The following TCAIM variants were observed in gnomAD, a reference collection of about 807,000 sequenced individuals.
TCAIM encodes the protein T-cell activation inhibitor, mitochondrial.
TCAIM carries 36 observed loss-of-function variants against 58.6 expected under a neutral mutation model. The ratio of observed to expected loss-of-function variants is 0.61; its 90% CI spans 0.47 to 0.81. The LOEUF (loss-of-function observed/expected upper bound fraction) is 0.81, where lower values mean the gene tolerates loss of function less well. Ranked by LOEUF, TCAIM falls within the 30% of genes least tolerant of loss-of-function variation. The pLI is 0.00. For missense variants in TCAIM, 466 were observed against 579.6 expected, an observed-to-expected ratio of 0.80 and a Z score of 2.01; for synonymous variants, 172 against 193.6, an observed-to-expected ratio of 0.89 and a Z score of 0.93.
chr3:44,407,991 G>T lies in TCAIM; in HGVS notation c.*309G>T. ...CCCTCCAGCCTGAGCAACAGAACAAGACCTTGTCTCAAAAAATAATAATGA... is the reference window on the plus strand; with the variant it reads ...CCCTCCAGCCTGAGCAACAGAACAATACCTTGTCTCAAAAAATAATAATGA... On this transcript the variant is annotated 3_prime_UTR_variant, in exon 11 of 11. Coordinates refer to ENST00000342649, the MANE Select transcript of TCAIM (RefSeq NM_173826.4). 1 of 188,616 alleles carries T rather than the reference G, an allele frequency of 5.3e-6. No homozygotes were observed. The highest frequency in any genetic ancestry group is 1.1e-5 in the Non-Finnish European group (1 of 92,864). 11.7% of individuals were successfully genotyped at this position (188,616 alleles called of 1,614,324 possible).
intron 5 of TCAIM, among the ~76,000 whole-genome samples, chr3:44,373,514 C>T (rs1365693459): frequency 6.7e-6 from 1 of 150,102 alleles, no homozygotes; most frequent in Non-Finnish European, 1.5e-5. Flanking sequence ...AATAGCCAGG[C>T]GTGATGATGC....
At chr3:44,358,285 C>A in intron 3 of TCAIM, 2 of 1,038,028 alleles carry the variant, frequency 1.9e-6, no homozygotes, top group Non-Finnish European at 3.0e-6. Flanking sequence ...TGGACCACTC[C>A]CCTACAACAT....
chr3:44,397,934 T>C (rs989944794), intron 8 of TCAIM, among the ~76,000 whole-genome samples: 40 of 151,736 alleles, frequency 2.6e-4, no homozygotes, highest in African/African-American at 9.7e-4. Flanking sequence ...ATCTAGAATA[T>C]ATTTTCAAAC....
chr3:44,356,220 A>G (rs908253365), intron 2 of TCAIM, among the ~76,000 whole-genome samples: 1 of 152,148 alleles, frequency 6.6e-6, no homozygotes. Flanking sequence ...ATGTTTAGAG[A>G]CTTCATTATA....
chr3:44,396,482 C>T lies in TCAIM; in HGVS notation c.778C>T (p.Leu260Phe), dbSNP rs1701937205. Residue 260 changes from leucine to phenylalanine, a missense_variant, in exon 7 of 11, where the codon CTT becomes TTT. Physicochemically the swap from Leu to Phe is conservative, Grantham distance 22. Transcript: ENST00000342649. ...SRLAQQNLET[L>F]KKAKGCTIIF... ...CTTAGCACAGCAGAATTTGGAAACACTTAAAAAAGCAAAAGGTAAACATTT... is the reference window on the plus strand; with the variant it reads ...CTTAGCACAGCAGAATTTGGAAACATTTAAAAAAGCAAAAGGTAAACATTT... 1 of 1,612,900 alleles carries T rather than the reference C, an allele frequency of 6.2e-7. No homozygotes were observed. The highest frequency in any genetic ancestry group is 8.5e-7 in the Non-Finnish European group (1 of 1,179,880).
chr3:44,396,282 T>C lies in TCAIM; in HGVS notation c.696-118T>C, dbSNP rs1444111878. ...ACATATGATCAATCAAAACATGTTATGTGTGTGCTTCAAAAAGAGACTCAT... is the reference window on the plus strand; with the variant it reads ...ACATATGATCAATCAAAACATGTTACGTGTGTGCTTCAAAAAGAGACTCAT... On this transcript the variant is annotated intron_variant, in intron 6 of 10. Transcript: ENST00000342649. 26 of 726,848 alleles carry C rather than the reference T, an allele frequency of 3.6e-5. No homozygotes were observed. In the South Asian group the frequency reaches 3.7e-4, roughly 10 times the overall value. 45.0% of individuals were successfully genotyped at this position (726,848 alleles called of 1,614,324 possible).
At chr3:44,341,038 T>C (rs796451196) in intron 1 of TCAIM, 2 of 152,292 alleles carry the variant, frequency 1.3e-5, no homozygotes, top group African/African-American at 4.8e-5. Context: ...ATGATTTGTA[T>C]AGGAAGTGAT....
At chr3:44,385,599 C>T (rs970022512) in intron 5 of TCAIM, among the ~76,000 whole-genome samples, 1 of 152,056 alleles carries the variant, frequency 6.6e-6, no homozygotes, top group Non-Finnish European at 1.5e-5. Context: ...AAAAATTAGC[C>T]GGGAGTGGTG....
chr3:44,338,963 G>A (rs959095986), intron 1 of TCAIM, 129 bp downstream of exon 1: 2 of 152,234 alleles, frequency 1.3e-5, no homozygotes, highest in Admixed American at 1.3e-4. Context: ...GCAGTGCCAG[G>A]GGACGCAGTA....
At chr3:44,354,650 T>G in intron 1 of TCAIM, 89 bp from the exon 2 acceptor site, 1 of 848,722 alleles carries the variant, frequency 1.2e-6, no homozygotes, top group East Asian at 2.6e-5. Flanking sequence ...AACTAAGTAT[T>G]TCATATTTTG....
intron 8 of TCAIM, 88 bp downstream of exon 8, chr3:44,396,922 GGTTT>G: frequency 7.7e-7 from 1 of 1,301,782 alleles, no homozygotes; most frequent in Admixed American, 2.5e-5. Context: ...ACTAAAAAAA[GGTTT>G]GTTGTGTTTT....
intron 5 of TCAIM, among the ~76,000 whole-genome samples, chr3:44,389,204 C>T (rs1044779977): frequency 4.6e-5 from 7 of 152,194 alleles, no homozygotes; most frequent in African/African-American, 1.7e-4. Flanking sequence ...GCAGAAGAAT[C>T]ACTCAAACCC....
chr3:44,402,314 G>A (rs1421462202), intron 10 of TCAIM, among the ~76,000 whole-genome samples: 1 of 152,112 alleles, frequency 6.6e-6, no homozygotes, highest in East Asian at 1.9e-4. Flanking sequence ...GGAGGCTGAG[G>A]TGGGAGGATT....
At chr3:44,385,074 A>ATTAT (rs1307306627) in intron 5 of TCAIM, among the ~76,000 whole-genome samples, 2 of 152,238 alleles carry the variant, frequency 1.3e-5, no homozygotes, top group Admixed American at 1.3e-4. Flanking sequence ...ATGTATTATA[A>ATTAT]GAAACAGAAA....
intron 5 of TCAIM, among the ~76,000 whole-genome samples, chr3:44,381,107 C>T (rs1701648195): frequency 6.6e-6 from 1 of 152,164 alleles, no homozygotes. Flanking sequence ...CACTCCCTAA[C>T]TCATTCTGTG....
chr3:44,371,266 CA>C (rs1037518822), intron 5 of TCAIM, among the ~76,000 whole-genome samples: 1 of 151,866 alleles, frequency 6.6e-6, no homozygotes, highest in African/African-American at 2.4e-5. Flanking sequence ...CTATGTTGTG[CA>C]GGCTAGTCTC....
Position 44,354,747 on chromosome 3 carries a change from G to A in TCAIM, c.-36G>A. 6.3e-6 allele frequency: 10 copies of A among 1,598,556 alleles called. No individual in the cohort carries two copies. Among genetic ancestry groups the A allele is most frequent in the Non-Finnish European group, 8.5e-6 (10 of 1,175,544 alleles). On this transcript the variant is annotated 5_prime_UTR_variant, in exon 2 of 11. It removes an upstream start codon present in the reference 5' UTR. Transcript: ENST00000342649. ...TCTGCTTAACTTTTAAGCAATTAAT[G>A]GATGCCTCGAAGTTGACGTACATAT...
chr3:44,364,060 C>G (rs1701332684), intron 4 of TCAIM, among the ~76,000 whole-genome samples: 1 of 149,272 alleles, frequency 6.7e-6, no homozygotes, highest in Non-Finnish European at 1.5e-5. Flanking sequence ...TCCTGAGTAG[C>G]TGGGACTACA....
At chr3:44,344,484 G>A (rs933466015) in intron 1 of TCAIM, among the ~76,000 whole-genome samples, 2 of 152,152 alleles carry the variant, frequency 1.3e-5, no homozygotes, top group African/African-American at 4.8e-5. Flanking sequence ...TGGAGTCTGG[G>A]AAATTCAACA....
Sources: gnomAD v4.1 joint callset for allele counts (sites outside exome capture counted in the v4.1 genomes callset) on GRCh38, gnomAD v4.1.1 for gene constraint, MANE v1.5 for transcripts, NCBI Gene and HGNC (gene_info 2026-07-23, HGNC 2026-07-21) for gene names.